The following TNNI3K variants were observed in gnomAD, a reference collection of about 807,000 sequenced individuals.
TNNI3K encodes the protein TNNI3 interacting kinase.
A neutral mutation model predicts 114.5 loss-of-function variants in TNNI3K; 140 were observed. That is an observed-to-expected ratio of 1.22 (90% confidence interval 1.07 to 1.41). The LOEUF (loss-of-function observed/expected upper bound fraction) is 1.41. Among genes scored for constraint, TNNI3K ranks in the 40% most tolerant of loss-of-function variants. The pLI, the probability that TNNI3K is intolerant of heterozygous loss-of-function variation, is 0.00. For synonymous variants in TNNI3K, 347 were observed against 347.5 expected (o/e 1.00, Z 0.02); for missense variants, 1,125 against 1,007.6 (o/e 1.12, Z -1.58).
chr1:74,482,958 A>G (rs1318588898), intron 21 of TNNI3K, among the ~76,000 whole-genome samples: 2 of 152,232 alleles, frequency 1.3e-5, no homozygotes, highest in Non-Finnish European at 2.9e-5. Context: ...AAATCTGCAC[A>G]AAGTATGTAC....
chr1:74,436,445 T>C (rs756198459), intron 18 of TNNI3K, 29 bp from the exon 19 acceptor site: 45 of 1,564,316 alleles, frequency 2.9e-5, no homozygotes, highest in Non-Finnish European at 3.9e-5. Flanking sequence ...ATATTTCCTT[T>C]GACGTGATTT....
At chr1:74,251,222 G>A (rs142904442) in intron 4 of TNNI3K, among the ~76,000 whole-genome samples, 2 of 152,252 alleles carry the variant, frequency 1.3e-5, no homozygotes, top group Middle Eastern at 3.4e-3. Flanking sequence ...TGCTTTAGCT[G>A]TTTATTTTCT....
chr1:74,347,867 G>C (rs1026091715), intron 9 of TNNI3K, among the ~76,000 whole-genome samples: 1 of 152,004 alleles, frequency 6.6e-6, no homozygotes, highest in African/African-American at 2.4e-5. Flanking sequence ...TTGTAAATTT[G>C]TATGAGTTCA....
chr1:74,259,785 C>T (rs1655557968), intron 4 of TNNI3K, among the ~76,000 whole-genome samples: 1 of 151,972 alleles, frequency 6.6e-6, no homozygotes, highest in Non-Finnish European at 1.5e-5. Flanking sequence ...AACAAACAAA[C>T]AAACAAACAA....
chr1:74,334,589 G>A (rs1421654215), intron 6 of TNNI3K, among the ~76,000 whole-genome samples: 1 of 152,132 alleles, frequency 6.6e-6, no homozygotes, highest in East Asian at 1.9e-4. Flanking sequence ...ATATATATAA[G>A]TGACTCAAAG....
rs1459765318 is a variant in TNNI3K, at chr1:74,471,101, G to T, written c.2121+7551G>T. ...TCAGCATCAGTGGGTGTAGGTTGGGGCAATTTTGATGTGTTTCCATCAGGA... is the reference window on the plus strand; with the variant it reads ...TCAGCATCAGTGGGTGTAGGTTGGGTCAATTTTGATGTGTTTCCATCAGGA... On this transcript the variant is annotated intron_variant, in intron 21 of 24. Coordinates refer to ENST00000326637, the MANE Select transcript of TNNI3K (RefSeq NM_015978.3). The T allele has an allele frequency of 2.5e-5, 10 of 400,662 alleles. No individual in the cohort carries two copies. In the East Asian group the frequency reaches 3.6e-4, roughly 14 times the overall value. 24.8% of individuals were successfully genotyped at this position (400,662 alleles called of 1,614,324 possible). A position where few individuals can be genotyped will look rare whatever the true frequency, so the allele number is the denominator to read the frequency against.
intron 17 of TNNI3K, among the ~76,000 whole-genome samples, chr1:74,420,954 G>A (rs1227705160): frequency 6.6e-6 from 1 of 152,066 alleles, no homozygotes. Flanking sequence ...ATTTTTGCAT[G>A]AGTGAAAAAT....
intron 19 of TNNI3K, 112 bp downstream of exon 19, chr1:74,436,638 AGTGT>A: frequency 1.8e-6 from 2 of 1,142,306 alleles, no homozygotes; most frequent in Non-Finnish European, 2.4e-6. Flanking sequence ...TCATTGTCTC[AGTGT>A]TGGGATAATG....
intron 5 of TNNI3K, among the ~76,000 whole-genome samples, chr1:74,289,733 G>C (rs963221743): frequency 4.0e-5 from 6 of 151,896 alleles, no homozygotes; most frequent in Non-Finnish European, 8.8e-5. Context: ...TATATCTGCT[G>C]TTTCTCCCCC....
intron 2 of TNNI3K, among the ~76,000 whole-genome samples, chr1:74,245,853 A>G (rs544184136): frequency 2.0e-5 from 3 of 152,030 alleles, no homozygotes; most frequent in Admixed American, 2.0e-4. Context: ...TTACCCTCCT[A>G]CCCTTCTTGC....
chr1:74,350,520 C>T (rs1661280837), intron 9 of TNNI3K, among the ~76,000 whole-genome samples: 1 of 152,000 alleles, frequency 6.6e-6, no homozygotes, highest in South Asian at 2.1e-4. Flanking sequence ...TCCTGGATAT[C>T]CTTGTTAACT....
At chr1:74,389,302 A>G (rs1322243936) in intron 17 of TNNI3K, among the ~76,000 whole-genome samples, 2 of 152,192 alleles carry the variant, frequency 1.3e-5, no homozygotes, top group African/African-American at 4.8e-5. Flanking sequence ...AAGAAGAAAA[A>G]ATGGAAAGAT....
At chr1:74,416,181 C>A (rs1030796290) in intron 17 of TNNI3K, 2 of 527,442 alleles carry the variant, frequency 3.8e-6, no homozygotes, top group Non-Finnish European at 4.9e-6. Context: ...CCTCTTCTTG[C>A]TTTGGCATGA....
At chr1:74,529,802 C>T (rs564459122) in intron 23 of TNNI3K, among the ~76,000 whole-genome samples, 2 of 152,280 alleles carry the variant, frequency 1.3e-5, no homozygotes, top group East Asian at 3.9e-4. Flanking sequence ...TTCACTTCAG[C>T]CATTTGATTC....
chr1:74,378,896 G>C (rs1048409190), intron 17 of TNNI3K: 8 of 151,568 alleles, frequency 5.3e-5, no homozygotes, highest in African/African-American at 1.9e-4. Context: ...AGGTGTCTGA[G>C]TAATGGTTAT....
At chr1:74,318,002 T>G (rs1659412353) in intron 5 of TNNI3K, among the ~76,000 whole-genome samples, 2 of 152,208 alleles carry the variant, frequency 1.3e-5, no homozygotes, top group South Asian at 4.1e-4. Flanking sequence ...CTCTCAACTA[T>G]GTCTTCTCAA....
chr1:74,456,039 T>C (rs968758469), intron 20 of TNNI3K, among the ~76,000 whole-genome samples: 5 of 152,190 alleles, frequency 3.3e-5, no homozygotes, highest in African/African-American at 7.2e-5. Context: ...ACAACTCTTA[T>C]TATTATTTTA....
intron 20 of TNNI3K, among the ~76,000 whole-genome samples, chr1:74,440,856 G>A (rs1666348205): frequency 6.6e-6 from 1 of 152,052 alleles, no homozygotes; most frequent in African/African-American, 2.4e-5. Context: ...TGATAAGATT[G>A]ATGGATATAC....
At chr1:74,417,663 A>G (rs1428558412) in intron 17 of TNNI3K, among the ~76,000 whole-genome samples, 1 of 147,656 alleles carries the variant, frequency 6.8e-6, no homozygotes, top group Non-Finnish European at 1.5e-5. Context: ...CAAGTAGTTA[A>G]GGAGAAAAGT....
Sources: gnomAD v4.1 joint callset for allele counts (sites outside exome capture counted in the v4.1 genomes callset) on GRCh38, gnomAD v4.1.1 for gene constraint, MANE v1.5 for transcripts, NCBI Gene and HGNC (gene_info 2026-07-23, HGNC 2026-07-21) for gene names.